The following CNTN4 variants were observed in gnomAD, a reference collection of about 807,000 sequenced individuals.
The protein encoded by CNTN4 is contactin-4.
In CNTN4, 77 loss-of-function variants were observed where a neutral mutation model predicts 122.5. That is an observed-to-expected ratio of 0.63 (90% confidence interval 0.52 to 0.76). The LOEUF (loss-of-function observed/expected upper bound fraction) is 0.76. CNTN4 is among the 30% of genes least tolerant of loss of function. The pLI is 0.00. For synonymous variants in CNTN4, 512 were observed against 447.0 expected (o/e 1.15, Z -1.83); for missense variants, 1,256 against 1,259.1 (o/e 1.00, Z 0.04).
chr3:2,613,797 T>G (rs1210362438), intron 4 of CNTN4, among the ~76,000 whole-genome samples: 1 of 152,136 alleles, frequency 6.6e-6, no homozygotes, highest in Non-Finnish European at 1.5e-5. Context: ...GCTATAAAAG[T>G]CTGATCAACA....
chr3:2,415,734 T>G (rs974486431), intron 3 of CNTN4, among the ~76,000 whole-genome samples: 1 of 152,192 alleles, frequency 6.6e-6, no homozygotes, highest in African/African-American at 2.4e-5. Flanking sequence ...TCAGAAACTT[T>G]CTAAACAATA....
intron 3 of CNTN4, among the ~76,000 whole-genome samples, chr3:2,366,333 A>G (rs1474369202): frequency 2.0e-5 from 3 of 152,238 alleles, no homozygotes; most frequent in Admixed American, 1.3e-4. Flanking sequence ...TAAGTCATCC[A>G]CAAAATTTTA....
chr3:2,673,725 G>A (rs2084672529), intron 4 of CNTN4, among the ~76,000 whole-genome samples: 1 of 152,058 alleles, frequency 6.6e-6, no homozygotes, highest in South Asian at 2.1e-4. Flanking sequence ...TGCATTTTTA[G>A]TAGAGACAGG....
intron 4 of CNTN4, among the ~76,000 whole-genome samples, chr3:2,732,095 T>C (rs529409855): frequency 1.3e-5 from 2 of 152,342 alleles, no homozygotes; most frequent in Admixed American, 1.3e-4. Flanking sequence ...ATTACCTCTC[T>C]AAATCTTATC....
intron 4 of CNTN4, among the ~76,000 whole-genome samples, chr3:2,649,062 G>C (rs1458781764): frequency 6.6e-6 from 1 of 152,202 alleles, no homozygotes; most frequent in African/African-American, 2.4e-5. Flanking sequence ...CCTGGAAGCT[G>C]CAGAAAAGAA....
chr3:2,767,346 C>G (rs550552596), intron 6 of CNTN4, among the ~76,000 whole-genome samples: 8 of 152,272 alleles, frequency 5.3e-5, no homozygotes, highest in African/African-American at 1.9e-4. Flanking sequence ...CCCTTTTGAT[C>G]AGAGGTATGT....
At chr3:2,206,822 A>C (rs1575080719) in intron 2 of CNTN4, among the ~76,000 whole-genome samples, 1 of 151,468 alleles carries the variant, frequency 6.6e-6, no homozygotes, top group South Asian at 2.1e-4. Context: ...TAGAAATACA[A>C]TACAGGGATA....
intron 3 of CNTN4, among the ~76,000 whole-genome samples, chr3:2,343,027 C>T (rs2044265379): frequency 6.6e-6 from 1 of 152,152 alleles, no homozygotes; most frequent in Non-Finnish European, 1.5e-5. Context: ...CTTGTGAATA[C>T]ACTAAAAACC....
chr3:2,525,272 A>G (rs1217190903), intron 3 of CNTN4, among the ~76,000 whole-genome samples: 1 of 152,172 alleles, frequency 6.6e-6, no homozygotes. Context: ...CCAATTGAAA[A>G]TAGGCTAGAA....
At chr3:2,972,782 A>G (rs544397969) in intron 13 of CNTN4, among the ~76,000 whole-genome samples, 4 of 152,288 alleles carry the variant, frequency 2.6e-5, no homozygotes, top group African/African-American at 9.6e-5. Flanking sequence ...TAAGTAGGTC[A>G]GGTTCACAAT....
chr3:2,346,328 C>G (rs1490917598), intron 3 of CNTN4, among the ~76,000 whole-genome samples: 2 of 152,066 alleles, frequency 1.3e-5, no homozygotes, highest in South Asian at 2.1e-4. Context: ...ACTCAAAGTT[C>G]CAAGTTATTT....
chr3:2,208,613 A>G (rs1396103649), intron 2 of CNTN4, among the ~76,000 whole-genome samples: 1 of 152,178 alleles, frequency 6.6e-6, no homozygotes, highest in African/African-American at 2.4e-5. Flanking sequence ...AATTGACTGC[A>G]TTTCTGCTGT....
At chr3:2,950,552 C>G (rs185649780) in intron 13 of CNTN4, among the ~76,000 whole-genome samples, 1 of 152,152 alleles carries the variant, frequency 6.6e-6, no homozygotes, top group African/African-American at 2.4e-5. Context: ...GACATGTGAG[C>G]CCAAAGATGC....
chr3:2,316,420 A>C (rs13080590), intron 2 of CNTN4, among the ~76,000 whole-genome samples: 45,793 of 151,960 alleles, frequency 0.3, 7,371 homozygotes, highest in Admixed American at 0.4. Context: ...CCCAAATAGT[A>C]AGTTGCCAAT....
intron 3 of CNTN4, among the ~76,000 whole-genome samples, chr3:2,565,561 T>G (rs1243761900): frequency 2.0e-5 from 3 of 152,176 alleles, no homozygotes; most frequent in Admixed American, 6.5e-5. Flanking sequence ...AACTATATCT[T>G]GTATGGTCAA....
intron 14 of CNTN4, among the ~76,000 whole-genome samples, chr3:3,018,858 GA>G (rs1199203904): frequency 6.6e-6 from 1 of 151,722 alleles, no homozygotes; most frequent in African/African-American, 2.4e-5. Flanking sequence ...ACTATTGCAG[GA>G]AAAAAAGTAT....
intron 3 of CNTN4, among the ~76,000 whole-genome samples, chr3:2,529,952 C>T (rs1275093657): frequency 6.6e-6 from 1 of 152,154 alleles, no homozygotes; most frequent in African/African-American, 2.4e-5. Context: ...GAGCTCCTTG[C>T]ACTTGATATA....
intron 3 of CNTN4, among the ~76,000 whole-genome samples, chr3:2,388,232 A>G (rs950514357): frequency 6.6e-6 from 1 of 152,200 alleles, no homozygotes; most frequent in African/African-American, 2.4e-5. Flanking sequence ...TTCAGTTATT[A>G]TTGCTCTAAT....
At chr3:2,533,553 G>A (rs537076695) in intron 3 of CNTN4, among the ~76,000 whole-genome samples, 2 of 152,062 alleles carry the variant, frequency 1.3e-5, no homozygotes, top group African/African-American at 2.4e-5. Context: ...CATTTGGGTT[G>A]GTTCCAAGTC....
Sources: gnomAD v4.1 joint callset for allele counts (sites outside exome capture counted in the v4.1 genomes callset) on GRCh38, gnomAD v4.1.1 for gene constraint, MANE v1.5 for transcripts, NCBI Gene and HGNC (gene_info 2026-07-23, HGNC 2026-07-21) for gene names.